LAPTM4B: variants seen among roughly 807,000 people sequenced by gnomAD.
LAPTM4B encodes lysosomal-associated transmembrane protein 4B.
Under a neutral mutation model 28.5 loss-of-function variants are expected in LAPTM4B, and 26 were observed. The ratio of observed to expected loss-of-function variants is 0.91; its 90% CI spans 0.67 to 1.27. LAPTM4B has a LOEUF of 1.27. Among genes scored for constraint, LAPTM4B ranks in the 50% most tolerant of loss-of-function variants. LAPTM4B has a pLI of 0.00. For missense variants in LAPTM4B, 288 were observed against 285.8 expected, an observed-to-expected ratio of 1.01 and a Z score of -0.06; for synonymous variants, 109 against 106.4, an observed-to-expected ratio of 1.02 and a Z score of -0.15.
At position 97,839,349 on chromosome 8, in the gene LAPTM4B, A is replaced by G. The variant is rs377582699; in HGVS notation, c.604-12048A>G. On this transcript the variant is annotated intron_variant, in intron 6 of 6. Coordinates refer to ENST00000521545, the MANE Select transcript of LAPTM4B (RefSeq NM_018407.6). ...GCTGGGATTACAGGCATGTGTTACC[A>G]TGCCTGGCTAATTTTGTATTTTTAG... 1.3e-4 allele frequency among the ~76,000 whole-genome samples: 20 copies of G among 151,924 alleles called. 1 individual carries two copies. The East Asian group carries it at 1.7e-3, about 13-fold the overall frequency.
intron 6 of LAPTM4B, among the ~76,000 whole-genome samples, chr8:97,844,943 T>A (rs1018418599): frequency 2.6e-5 from 4 of 152,158 alleles, no homozygotes; most frequent in Non-Finnish European, 5.9e-5. Flanking sequence ...TGCACACACA[T>A]CCCTAAAAAT....
Position 97,812,139 on chromosome 8 carries a change from C to A in LAPTM4B, c.212-3189C>A, listed in dbSNP as rs114934881. Among the ~76,000 whole-genome samples the A allele has an allele frequency of 6.0e-3, 909 of 151,240 alleles. 8 individuals carry two copies. The highest frequency in any genetic ancestry group is 0.021 in the African/African-American group (858 of 41,314). Reference sequence around the variant, plus strand: ...TATTTTCATCAATCTGCCCTCCCATCCTTTCAAAAAAAGTAGCATACTCTA... The same window carrying A: ...TATTTTCATCAATCTGCCCTCCCATACTTTCAAAAAAAGTAGCATACTCTA... On this transcript the variant is annotated intron_variant, in intron 2 of 6. Coordinates refer to ENST00000521545, the MANE Select transcript of LAPTM4B (RefSeq NM_018407.6).
intron 1 of LAPTM4B, among the ~76,000 whole-genome samples, chr8:97,798,848 G>T (rs965602836): frequency 1.3e-5 from 2 of 152,190 alleles, no homozygotes; most frequent in African/African-American, 4.8e-5. Context: ...AAAGAGAAGG[G>T]TTAGAGGCCA....
At chr8:97,798,929 C>T (rs566959328) in intron 1 of LAPTM4B, among the ~76,000 whole-genome samples, 7 of 152,324 alleles carry the variant, frequency 4.6e-5, no homozygotes, top group South Asian at 2.1e-4. Context: ...CTAAAATCGA[C>T]GTCGTCATAG....
chr8:97,834,381 A>G (rs1444717415), intron 6 of LAPTM4B, among the ~76,000 whole-genome samples: 2 of 152,208 alleles, frequency 1.3e-5, no homozygotes, highest in Non-Finnish European at 2.9e-5. Flanking sequence ...ACGCCTAAAT[A>G]AAATTTGTTA....
chr8:97,800,484 CTTTTTTTTTTTTTTTTTT>C (rs546425169), intron 1 of LAPTM4B, among the ~76,000 whole-genome samples: 1 of 69,316 alleles, frequency 1.4e-5, no homozygotes, highest in African/African-American at 7.5e-5. Flanking sequence ...CCCTTGACCT[CTTTTTTTTTTTTTTTTTT>C]TTTTTTTTTG....
At chr8:97,797,963 C>T (rs901023427) in intron 1 of LAPTM4B, among the ~76,000 whole-genome samples, 5 of 152,128 alleles carry the variant, frequency 3.3e-5, no homozygotes, top group Non-Finnish European at 5.9e-5. Context: ...ACAGTTTGCT[C>T]ATAACATAAA....
intron 1 of LAPTM4B, among the ~76,000 whole-genome samples, chr8:97,791,797 T>C (rs1404918772): frequency 6.6e-6 from 1 of 152,218 alleles, no homozygotes; most frequent in African/African-American, 2.4e-5. Context: ...GAACATGGTA[T>C]GTGCATATTT....
chr8:97,811,244 A>G (rs955682417), intron 2 of LAPTM4B, among the ~76,000 whole-genome samples: 8 of 152,198 alleles, frequency 5.3e-5, no homozygotes, highest in African/African-American at 1.9e-4. Flanking sequence ...TCCTTGATAT[A>G]CGTACACTCC....
Position 97,825,160 on chromosome 8 carries a change from A to G in LAPTM4B, c.603+7A>G. 7.1e-7 allele frequency: 1 copy of G among 1,409,592 alleles called. No individual in the cohort carries two copies. Among genetic ancestry groups the G allele is most frequent in the Non-Finnish European group, 1.0e-6 (1 of 996,332 alleles). The allele number at this position is 1,409,592 out of a possible 1,614,324, so 87.3% of individuals were successfully genotyped here. The stretch of plus-strand genomic sequence containing the variant: ...TACCAGCAATGACACTACGGTAGGT[A>G]TGATGTCACTTATGGTAGAGATCTC... On this transcript the variant is annotated splice_region_variant and intron_variant, in intron 6 of 6. Coordinates refer to ENST00000521545, the MANE Select transcript of LAPTM4B (RefSeq NM_018407.6).
intron 1 of LAPTM4B, among the ~76,000 whole-genome samples, chr8:97,800,498 T>A (rs1816655858): frequency 7.0e-6 from 1 of 142,656 alleles, no homozygotes; most frequent in Non-Finnish European, 1.5e-5. Context: ...TTTTTTTTTT[T>A]TTTTTTTTTT....
intron 6 of LAPTM4B, among the ~76,000 whole-genome samples, chr8:97,848,785 T>G (rs190843169): frequency 2.6e-5 from 4 of 152,338 alleles, no homozygotes; most frequent in Admixed American, 6.5e-5. Flanking sequence ...AAAATTAATA[T>G]TTCTGGTGCG....
At chr8:97,784,172 A>T (rs2129725473) in intron 1 of LAPTM4B, among the ~76,000 whole-genome samples, 1 of 152,278 alleles carries the variant, frequency 6.6e-6, no homozygotes, top group South Asian at 2.1e-4. Flanking sequence ...CACGCATGAT[A>T]GGTGGTGATA....
intron 1 of LAPTM4B, among the ~76,000 whole-genome samples, chr8:97,776,702 T>A (rs1341568174): frequency 2.7e-5 from 4 of 149,724 alleles, no homozygotes; most frequent in Non-Finnish European, 5.9e-5. Context: ...CCCCCCCCGA[T>A]GTTTTAAAGC....
intron 1 of LAPTM4B, among the ~76,000 whole-genome samples, chr8:97,776,498 G>C (rs927479390): frequency 6.6e-6 from 1 of 152,240 alleles, no homozygotes; most frequent in Non-Finnish European, 1.5e-5. Context: ...TTTGTGTTTC[G>C]ACGGCTGCGG....
chr8:97,835,163 T>C (rs1173309302), intron 6 of LAPTM4B, among the ~76,000 whole-genome samples: 1 of 152,224 alleles, frequency 6.6e-6, no homozygotes, highest in South Asian at 2.1e-4. Flanking sequence ...CATAATAACA[T>C]GTCATGTCTT....
intron 6 of LAPTM4B, among the ~76,000 whole-genome samples, chr8:97,828,405 CAG>C (rs1817127352): frequency 6.6e-6 from 1 of 151,984 alleles, no homozygotes; most frequent in African/African-American, 2.4e-5. Flanking sequence ...TTTGTATGAA[CAG>C]AGAGATTAGC....
intron 2 of LAPTM4B, among the ~76,000 whole-genome samples, chr8:97,806,042 C>T (rs1248804345): frequency 6.6e-6 from 1 of 152,100 alleles, no homozygotes; most frequent in African/African-American, 2.4e-5. Flanking sequence ...TGCATAATCT[C>T]CAGCAGAAGA....
intron 6 of LAPTM4B, among the ~76,000 whole-genome samples, chr8:97,829,385 CTGTT>C (rs760385166): frequency 3.7e-4 from 57 of 152,058 alleles, no homozygotes; most frequent in Non-Finnish European, 6.6e-4. Flanking sequence ...GTTTTAAAGA[CTGTT>C]TGTGATGAGA....
Sources: allele counts gnomAD v4.1 joint callset (sites outside exome capture counted in the v4.1 genomes callset), GRCh38; gene constraint gnomAD v4.1.1; transcripts MANE v1.5; gene names NCBI Gene and HGNC (gene_info 2026-07-23, HGNC 2026-07-21).